Variants in PROX1 observed in about 807,000 individuals in gnomAD.
PROX1 encodes prospero homeobox 1.
In PROX1, 7 loss-of-function variants were observed where a neutral mutation model predicts 58.8. That is an observed-to-expected ratio of 0.12 (90% CI 0.07 to 0.22). The LOEUF is 0.22. Ranked by LOEUF, PROX1 falls within the 10% of genes least tolerant of loss-of-function variation. PROX1 has a pLI of 1.00. For synonymous variants in PROX1, 350 were observed against 358.3 expected (o/e 0.98, Z 0.26); for missense variants, 675 against 927.8 (o/e 0.73, Z 3.54).
intron 4 of PROX1, among the ~76,000 whole-genome samples, chr1:214,019,960 G>A (rs1051638376): frequency 2.0e-5 from 3 of 152,000 alleles, no homozygotes; most frequent in African/African-American, 4.8e-5. Context: ...AAATCACTCC[G>A]AAGTCTACAA....
rs961415896 is a variant in PROX1, at chr1:214,035,689, G to A, written c.2069G>A (p.Arg690Gln). The A allele has an allele frequency of 3.1e-6, 5 of 1,613,770 alleles. No homozygotes were observed. The highest frequency in any genetic ancestry group is 1.3e-5 in the African/African-American group (1 of 74,918). ...CTGGAAGTTGCTCAGATCACATTACGGGAGTTTTTCAATGCCATTATCGCA... is the reference window on the plus strand; with the variant it reads ...CTGGAAGTTGCTCAGATCACATTACAGGAGTTTTTCAATGCCATTATCGCA... ...RFLEVAQITL[R>Q]EFFNAIIAGK... Residue 690 changes from arginine to glutamine, a missense_variant, in exon 5 of 5, where the codon CGG (arginine) becomes CAG (glutamine). Transcript: ENST00000366958.
upstream of PROX1, chr1:213,986,188 A>G (rs928991145): frequency 6.6e-6 from 1 of 150,754 alleles, no homozygotes; most frequent in African/African-American, 2.4e-5. Context: ...ACAACAGTCA[A>G]TAGTTGGAGG....
chr1:214,031,242 A>C (rs1267321535), intron 4 of PROX1, among the ~76,000 whole-genome samples: 1 of 152,092 alleles, frequency 6.6e-6, no homozygotes, highest in Non-Finnish European at 1.5e-5. Flanking sequence ...ACCCCCTTCA[A>C]ATTTATGCAT....
chr1:213,987,724 C>G (rs1662861777), upstream of PROX1: 1 of 114,306 alleles, frequency 8.7e-6, no homozygotes, highest in East Asian at 3.0e-4. Flanking sequence ...GGGGTGGGGG[C>G]CGGGGATGGA....
At chr1:213,995,898 T>G (rs1232956530) in intron 1 of PROX1, among the ~76,000 whole-genome samples, 2 of 152,226 alleles carry the variant, frequency 1.3e-5, no homozygotes, top group Non-Finnish European at 2.9e-5. Flanking sequence ...AAGGGTGTTC[T>G]CCTTCCCATT....
intron 1 of PROX1, among the ~76,000 whole-genome samples, chr1:213,992,202 G>A (rs1329775264): frequency 6.6e-6 from 1 of 152,146 alleles, no homozygotes; most frequent in Non-Finnish European, 1.5e-5. Context: ...GATGGGATGG[G>A]AGAATCTTAA....
intron 1 of PROX1, among the ~76,000 whole-genome samples, chr1:213,992,720 A>T (rs1663080567): frequency 6.6e-6 from 1 of 152,132 alleles, no homozygotes; most frequent in African/African-American, 2.4e-5. Context: ...CTCATAAAAG[A>T]TTTGTCTGAA....
At chr1:213,994,607 A>G (rs2102688020) in intron 1 of PROX1, among the ~76,000 whole-genome samples, 1 of 151,562 alleles carries the variant, frequency 6.6e-6, no homozygotes, top group Middle Eastern at 3.4e-3. Flanking sequence ...AACCAATTTT[A>G]TTATTAGTGT....
intron 4 of PROX1, among the ~76,000 whole-genome samples, chr1:214,025,889 C>T (rs1296754721): frequency 1.3e-5 from 2 of 152,104 alleles, no homozygotes; most frequent in African/African-American, 4.8e-5. Context: ...GTATTGAACT[C>T]CTGACCTCAT....
At chr1:214,023,062 A>G (rs1664336821) in intron 4 of PROX1, among the ~76,000 whole-genome samples, 1 of 152,218 alleles carries the variant, frequency 6.6e-6, no homozygotes, top group Admixed American at 6.5e-5. Flanking sequence ...CCTTGGAGAC[A>G]TGGCAATTCC....
At chr1:214,019,343 C>T (rs1664202359) in intron 4 of PROX1, among the ~76,000 whole-genome samples, 4 of 152,138 alleles carry the variant, frequency 2.6e-5, no homozygotes, top group African/African-American at 7.2e-5. Flanking sequence ...TGGCTAGGCA[C>T]GGGTTCTGGG....
At chr1:214,021,388 G>C (rs1664273876) in intron 4 of PROX1, among the ~76,000 whole-genome samples, 1 of 152,142 alleles carries the variant, frequency 6.6e-6, no homozygotes, top group African/African-American at 2.4e-5. Context: ...ATTGTGAAGA[G>C]GGTTGTGTCC....
At chr1:214,010,195 C>T (rs1287576081) in intron 3 of PROX1, among the ~76,000 whole-genome samples, 1 of 152,098 alleles carries the variant, frequency 6.6e-6, no homozygotes, top group African/African-American at 2.4e-5. Context: ...AAGCGATTTG[C>T]TGATGACTTA....
chr1:214,024,434 T>C (rs1452329389), intron 4 of PROX1, among the ~76,000 whole-genome samples: 1 of 152,182 alleles, frequency 6.6e-6, no homozygotes, highest in African/African-American at 2.4e-5. Context: ...TCGGATATTA[T>C]TTGGGGTGTC....
At chr1:214,016,981 G>GT (rs1664119132) in intron 4 of PROX1, among the ~76,000 whole-genome samples, 1 of 152,124 alleles carries the variant, frequency 6.6e-6, no homozygotes. Context: ...AGCTTTATTA[G>GT]TTATAGCATT....
At chr1:213,999,163 T>C (rs1208135165) in intron 2 of PROX1, among the ~76,000 whole-genome samples, 1 of 152,240 alleles carries the variant, frequency 6.6e-6, no homozygotes, top group East Asian at 1.9e-4. Context: ...ATAACAGTTA[T>C]ATTTTTTTAT....
chr1:214,011,944 G>A (rs1663924238), intron 4 of PROX1, among the ~76,000 whole-genome samples: 1 of 152,072 alleles, frequency 6.6e-6, no homozygotes, highest in Non-Finnish European at 1.5e-5. Context: ...AGCTTGTGTG[G>A]AAGACTCATT....
intron 3 of PROX1, among the ~76,000 whole-genome samples, chr1:214,007,269 AG>A (rs1375805368): frequency 6.6e-6 from 1 of 152,216 alleles, no homozygotes. Flanking sequence ...ACTAATATTC[AG>A]ATTGTTGATT....
intron 2 of PROX1, among the ~76,000 whole-genome samples, chr1:213,999,310 C>A (rs575674590): frequency 6.6e-4 from 101 of 152,030 alleles, no homozygotes; most frequent in African/African-American, 2.4e-3. Flanking sequence ...CATTTGGGGG[C>A]AGGTGGAGGC....
Sources: gnomAD v4.1 joint callset for allele counts (sites outside exome capture counted in the v4.1 genomes callset) on GRCh38, gnomAD v4.1.1 for gene constraint, MANE v1.5 for transcripts, NCBI Gene and HGNC (gene_info 2026-07-23, HGNC 2026-07-21) for gene names.